Variants in SPAG16 observed in about 807,000 individuals in gnomAD.
SPAG16 encodes the protein sperm associated antigen 16.
Under a neutral mutation model 80.4 loss-of-function variants are expected in SPAG16, and 86 were observed. The observed-to-expected ratio is 1.07, with a 90% confidence interval of 0.90 to 1.28. The LOEUF (loss-of-function observed/expected upper bound fraction) is 1.28, where lower values mean the gene tolerates loss of function less well. SPAG16 is among the 50% of genes most tolerant of loss of function. SPAG16 has a pLI of 0.00. For synonymous variants in SPAG16, 294 were observed against 265.9 expected (o/e 1.11, Z -1.03); for missense variants, 870 against 765.3 (o/e 1.14, Z -1.61).
chr2:213,375,636 C>A (rs572889829), intron 9 of SPAG16, among the ~76,000 whole-genome samples: 2 of 151,850 alleles, frequency 1.3e-5, no homozygotes, highest in Admixed American at 6.6e-5. Context: ...TCAAAGAGAT[C>A]AAAAATGAAG....
chr2:213,315,322 A>G (rs1240369148), intron 4 of SPAG16, among the ~76,000 whole-genome samples: 1 of 151,876 alleles, frequency 6.6e-6, no homozygotes, highest in Non-Finnish European at 1.5e-5. Context: ...CTCTGGCCTC[A>G]GGTATTCTTC....
intron 9 of SPAG16, among the ~76,000 whole-genome samples, chr2:213,469,820 A>G (rs1399393033): frequency 6.6e-6 from 1 of 152,070 alleles, no homozygotes; most frequent in Non-Finnish European, 1.5e-5. Context: ...ACATCAGCCA[A>G]CGCTGTAACT....
chr2:214,141,351 C>T (rs2055349030), intron 14 of SPAG16, among the ~76,000 whole-genome samples: 1 of 151,636 alleles, frequency 6.6e-6, no homozygotes, highest in Non-Finnish European at 1.5e-5. Context: ...CCTGTAATCC[C>T]AGCTACTCAG....
At chr2:213,582,646 ATGT>A (rs2060336905) in intron 10 of SPAG16, among the ~76,000 whole-genome samples, 1 of 152,212 alleles carries the variant, frequency 6.6e-6, no homozygotes, top group Non-Finnish European at 1.5e-5. Context: ...GTAGGATGGC[ATGT>A]TGTTCAATGT....
At chr2:213,934,638 T>C (rs2078910996) in intron 12 of SPAG16, among the ~76,000 whole-genome samples, 1 of 152,240 alleles carries the variant, frequency 6.6e-6, no homozygotes, top group South Asian at 2.1e-4. Flanking sequence ...CTTGGCTATA[T>C]ATCTAAATGA....
intron 13 of SPAG16, among the ~76,000 whole-genome samples, chr2:214,073,435 C>T (rs760796797): frequency 1.3e-5 from 2 of 151,918 alleles, no homozygotes; most frequent in Non-Finnish European, 2.9e-5. Flanking sequence ...CGGGGTTTCA[C>T]CATGTTGGCC....
intron 10 of SPAG16, among the ~76,000 whole-genome samples, chr2:213,738,189 C>T (rs910949010): frequency 6.6e-6 from 1 of 152,060 alleles, no homozygotes; most frequent in Admixed American, 6.5e-5. Flanking sequence ...TTTGTAGAGC[C>T]AGTATAGTTA....
At chr2:213,922,670 G>A (rs1166015159) in intron 11 of SPAG16, among the ~76,000 whole-genome samples, 1 of 152,112 alleles carries the variant, frequency 6.6e-6, no homozygotes, top group Non-Finnish European at 1.5e-5. Context: ...TGTTCCTTCA[G>A]TCTTTAAAGT....
chr2:213,924,158 C>G (rs1575564532), intron 11 of SPAG16, among the ~76,000 whole-genome samples: 1 of 152,208 alleles, frequency 6.6e-6, no homozygotes, highest in East Asian at 1.9e-4. Flanking sequence ...GGCACTGCAA[C>G]TATGCCTTTA....
chr2:213,605,740 C>T (rs769821828), intron 10 of SPAG16, among the ~76,000 whole-genome samples: 4 of 152,066 alleles, frequency 2.6e-5, no homozygotes, highest in East Asian at 1.9e-4. Flanking sequence ...CGGCCTGCCT[C>T]GGCCTCCCAA....
chr2:213,296,008 T>C (rs2062481296), intron 1 of SPAG16, 56 bp from the exon 2 acceptor site: 5 of 1,459,354 alleles, frequency 3.4e-6, no homozygotes, highest in Non-Finnish European at 4.8e-6. Flanking sequence ...AAATCAATTT[T>C]TGTGCAATAA....
At chr2:214,205,788 G>A (rs1195342638) in intron 15 of SPAG16, among the ~76,000 whole-genome samples, 1 of 152,138 alleles carries the variant, frequency 6.6e-6, no homozygotes, top group Non-Finnish European at 1.5e-5. Context: ...TGCATATAAT[G>A]TGTAGTAATC....
chr2:213,906,309 A>G (rs534755779), intron 11 of SPAG16, among the ~76,000 whole-genome samples: 6 of 152,308 alleles, frequency 3.9e-5, no homozygotes, highest in African/African-American at 1.2e-4. Context: ...AAGAATAACC[A>G]ATGAGGTAAA....
intron 9 of SPAG16, among the ~76,000 whole-genome samples, chr2:213,387,147 A>T (rs901604074): frequency 6.6e-6 from 1 of 152,042 alleles, no homozygotes; most frequent in Admixed American, 6.6e-5. Flanking sequence ...AAAGGATCAA[A>T]TGGTATCCAC....
At chr2:214,409,620 A>G (rs910474850) in intron 15 of SPAG16, among the ~76,000 whole-genome samples, 4 of 152,166 alleles carry the variant, frequency 2.6e-5, no homozygotes, top group African/African-American at 9.6e-5. Context: ...TTCAGCTTCA[A>G]AAAAATTTGT....
At chr2:214,300,724 C>A (rs1219336413) in intron 15 of SPAG16, among the ~76,000 whole-genome samples, 3 of 151,814 alleles carry the variant, frequency 2.0e-5, no homozygotes, top group Non-Finnish European at 4.4e-5. Context: ...AAATAAAAAT[C>A]CTGAACAGAC....
chr2:214,263,544 A>T (rs1251975249), intron 15 of SPAG16, among the ~76,000 whole-genome samples: 1 of 152,200 alleles, frequency 6.6e-6, no homozygotes, highest in Admixed American at 6.5e-5. Flanking sequence ...CTTGGCTGTT[A>T]TACTTCAAGG....
intron 10 of SPAG16, among the ~76,000 whole-genome samples, chr2:213,806,704 A>G (rs1433469273): frequency 6.6e-6 from 1 of 152,190 alleles, no homozygotes; most frequent in Non-Finnish European, 1.5e-5. Flanking sequence ...AGTACAAACC[A>G]AAGACTAAAG....
chr2:213,462,275 G>A (rs940178265), intron 9 of SPAG16, among the ~76,000 whole-genome samples: 3 of 152,182 alleles, frequency 2.0e-5, no homozygotes, highest in Admixed American at 2.0e-4. Context: ...TAACTATGCA[G>A]ACAGTATATG....
Sources: allele counts gnomAD v4.1 joint callset (sites outside exome capture counted in the v4.1 genomes callset), GRCh38; gene constraint gnomAD v4.1.1; transcripts MANE v1.5; gene names NCBI Gene and HGNC (gene_info 2026-07-23, HGNC 2026-07-21).